The following NRXN3 variants were observed in gnomAD, a reference collection of about 807,000 sequenced individuals.
NRXN3 encodes neurexin III.
NRXN3 carries 32 observed loss-of-function variants against 137.6 expected under a neutral mutation model. The ratio of observed to expected loss-of-function variants is 0.23; its 90% CI spans 0.18 to 0.31. The LOEUF (loss-of-function observed/expected upper bound fraction) is 0.31. NRXN3 is among the 10% of genes least tolerant of loss of function. The probability of loss-of-function intolerance (pLI) is 1.00; values close to 1 mark genes in which losing one functional copy is unlikely to be tolerated. For synonymous variants in NRXN3, 798 were observed against 784.5 expected, an observed-to-expected ratio of 1.02 and a Z score of -0.29; for missense variants, 1,574 against 2,062.5, an observed-to-expected ratio of 0.76 and a Z score of 4.59.
At chr14:79,555,832 G>C (rs750953816) in intron 16 of NRXN3, among the ~76,000 whole-genome samples, 10 of 152,154 alleles carry the variant, frequency 6.6e-5, no homozygotes, top group Non-Finnish European at 1.0e-4. Context: ...TTGCCAACTT[G>C]CTTTGTTTGC....
In NRXN3 at chr14:79,012,365, G is replaced by A. The variant is rs2152402432; in HGVS notation, c.3262+24224G>A. Among the ~76,000 whole-genome samples, 2 of 152,276 alleles carry A rather than the reference G, an allele frequency of 1.3e-5. 1 individual carries two copies. The highest frequency in any genetic ancestry group is 3.9e-4 in the East Asian group (2 of 5,184). On this transcript the variant is annotated intron_variant, in intron 15 of 20. Coordinates refer to ENST00000335750, the MANE Select transcript of NRXN3 (RefSeq NM_001330195.2). ...TAAAATGAGTCTAGAAGAATGACTA[G>A]ACTGAGAAGAGAGGAAAGGAAAGAG...
intron 4 of NRXN3, among the ~76,000 whole-genome samples, chr14:78,634,294 A>G (rs1030094935): frequency 6.6e-6 from 1 of 152,238 alleles, no homozygotes; most frequent in Non-Finnish European, 1.5e-5. Flanking sequence ...ACGATGGGGC[A>G]GGAGGAGGAA....
At chr14:78,637,898 C>T (rs952625878) in intron 4 of NRXN3, among the ~76,000 whole-genome samples, 20 of 152,214 alleles carry the variant, frequency 1.3e-4, no homozygotes, top group Non-Finnish European at 4.4e-5. Flanking sequence ...TTACCTGGTG[C>T]ATAGTAGGCA....
chr14:78,595,014 T>A (rs1171731714), intron 4 of NRXN3, among the ~76,000 whole-genome samples: 2 of 152,208 alleles, frequency 1.3e-5, no homozygotes, highest in African/African-American at 4.8e-5. Flanking sequence ...GCTATGGTGG[T>A]GAGCAGAACA....
At chr14:79,753,380 C>G (rs942099678) in intron 19 of NRXN3, among the ~76,000 whole-genome samples, 10 of 151,890 alleles carry the variant, frequency 6.6e-5, no homozygotes, top group African/African-American at 2.2e-4. Flanking sequence ...CCATGGAATA[C>G]TATGCAGCCA....
At chr14:79,474,304 T>C (rs573975171) in intron 16 of NRXN3, among the ~76,000 whole-genome samples, 8 of 152,300 alleles carry the variant, frequency 5.3e-5, no homozygotes, top group Admixed American at 2.6e-4. Flanking sequence ...AACACTGCAC[T>C]AATGGAGAAT....
chr14:78,651,194 C>T lies in NRXN3; in HGVS notation c.1089C>T (p.Thr363=). 2 of 1,613,656 alleles carry T rather than the reference C, an allele frequency of 1.2e-6. No homozygotes were observed. The highest frequency in any genetic ancestry group is 1.7e-6 in the Non-Finnish European group (2 of 1,179,774). The part of the protein sequence containing the change: ...QVTISVDGIL[T]TTGYTQEDYT... The stretch of plus-strand genomic sequence containing the variant: ...CAATCTCTGTGGATGGCATTCTTAC[C>T]ACGACGGGCTACACTCAAGAGGACT... The change falls in exon 6 of 21, where the codon ACC becomes ACT. Residue 363 remains threonine, a synonymous_variant. Transcript: ENST00000335750.
chr14:78,625,218 T>G (rs1193784854), intron 4 of NRXN3, among the ~76,000 whole-genome samples: 2 of 152,364 alleles, frequency 1.3e-5, no homozygotes, highest in African/African-American at 2.4e-5. Context: ...GAATACATTT[T>G]TTTAAAATTG....
intron 2 of NRXN3, among the ~76,000 whole-genome samples, chr14:78,264,978 T>TGA (rs1255093066): frequency 1.3e-5 from 2 of 152,224 alleles, no homozygotes; most frequent in Non-Finnish European, 2.9e-5. Flanking sequence ...AATGCATGAG[T>TGA]GAGTGTCTGG....
chr14:78,228,148 A>G (rs1324739708), intron 1 of NRXN3, among the ~76,000 whole-genome samples: 1 of 146,824 alleles, frequency 6.8e-6, no homozygotes, highest in Non-Finnish European at 1.5e-5. Context: ...AAATCGCTGA[A>G]TTTTCTTTCT....
chr14:79,073,748 T>G (rs1595661134), intron 15 of NRXN3, among the ~76,000 whole-genome samples: 2 of 152,336 alleles, frequency 1.3e-5, no homozygotes, highest in Admixed American at 1.3e-4. Context: ...GCTGTTGATA[T>G]TCCTTCACTG....
At chr14:78,572,089 C>G (rs1207819305) in intron 4 of NRXN3, among the ~76,000 whole-genome samples, 2 of 152,170 alleles carry the variant, frequency 1.3e-5, no homozygotes, top group Non-Finnish European at 2.9e-5. Flanking sequence ...TTTTTCAAAG[C>G]TCTTTGTTCA....
chr14:78,287,072 A>G (rs924312454), intron 3 of NRXN3, among the ~76,000 whole-genome samples: 6 of 152,214 alleles, frequency 3.9e-5, no homozygotes, highest in African/African-American at 1.4e-4. Flanking sequence ...GGCTCACTAA[A>G]CTAGGATAGT....
At chr14:78,313,263 C>T (rs1011789633) in intron 4 of NRXN3, among the ~76,000 whole-genome samples, 23 of 152,280 alleles carry the variant, frequency 1.5e-4, no homozygotes, top group East Asian at 3.9e-4. Context: ...GGAAGACTTT[C>T]GTGCACTTTT....
In NRXN3 at chr14:79,499,956, C is replaced by CATGTGTGTGTGTGTGTGTGTGTGT. The variant is rs60538373; in HGVS notation, c.3444+32554_3444+32555insATGTGTGTGTGTGTGTGTGTGTGT. Among the ~76,000 whole-genome samples, 246 of 145,226 alleles carry CATGTGTGTGTGTGTGTGTGTGTGT rather than the reference C, an allele frequency of 1.7e-3. 2 individuals carry two copies. Among genetic ancestry groups the CATGTGTGTGTGTGTGTGTGTGTGT allele is most frequent in the South Asian group, 6.0e-3 (26 of 4,362 alleles). On this transcript the variant is annotated intron_variant, in intron 16 of 20. Coordinates refer to ENST00000335750, the MANE Select transcript of NRXN3 (RefSeq NM_001330195.2). ...GGTTTTCTGTCAGTTATCTTAGGGTCGTGTGTGTGTGTGTGTGTGTGTGTG... is the reference window on the plus strand; with the variant it reads ...GGTTTTCTGTCAGTTATCTTAGGGTCATGTGTGTGTGTGTGTGTGTGTGTGTGTGTGTGTGTGTGTGTGTGTGTG...
intron 10 of NRXN3, among the ~76,000 whole-genome samples, chr14:78,937,354 GT>G (rs1464810722): frequency 6.6e-6 from 1 of 152,120 alleles, no homozygotes; most frequent in Non-Finnish European, 1.5e-5. Context: ...CTTTGCTGTA[GT>G]TGATGCCTCT....
At chr14:78,525,988 T>C (rs887712031) in intron 4 of NRXN3, among the ~76,000 whole-genome samples, 5 of 152,198 alleles carry the variant, frequency 3.3e-5, no homozygotes, top group Non-Finnish European at 5.9e-5. Flanking sequence ...AGGGGATTCA[T>C]AAGAGCCTTG....
At chr14:79,749,129 C>T (rs957465028) in intron 19 of NRXN3, among the ~76,000 whole-genome samples, 1 of 152,062 alleles carries the variant, frequency 6.6e-6, no homozygotes, top group Non-Finnish European at 1.5e-5. Flanking sequence ...CAGCCTGTGT[C>T]AGCCACCTGC....
intron 16 of NRXN3, among the ~76,000 whole-genome samples, chr14:79,624,812 T>G (rs779482196): frequency 0.043 from 6,333 of 147,112 alleles, 153 homozygotes; most frequent in Non-Finnish European, 0.065. Flanking sequence ...TGTTTGTTTT[T>G]GTTTTTTTTT....
Sources: allele counts gnomAD v4.1 joint callset (sites outside exome capture counted in the v4.1 genomes callset), GRCh38; gene constraint gnomAD v4.1.1; transcripts MANE v1.5; gene names NCBI Gene and HGNC (gene_info 2026-07-23, HGNC 2026-07-21).